TMEM108: variants seen among roughly 807,000 people sequenced by gnomAD.
The protein encoded by TMEM108 is transmembrane protein 108.
Under a neutral mutation model 35.1 loss-of-function variants are expected in TMEM108, and 12 were observed. The observed-to-expected ratio is 0.34, with a 90% CI of 0.22 to 0.55. The LOEUF is 0.55. TMEM108 is among the 20% of genes least tolerant of loss of function. The pLI is 0.89. For missense variants in TMEM108, 680 were observed against 753.3 expected (o/e 0.90, Z 1.14); for synonymous variants, 287 against 308.6 (o/e 0.93, Z 0.73).
chr3:133,192,184 A>T (rs1385090488), intron 2 of TMEM108, among the ~76,000 whole-genome samples: 3 of 152,190 alleles, frequency 2.0e-5, no homozygotes, highest in Non-Finnish European at 2.9e-5. Context: ...TTTATTTCCT[A>T]GTAAGATGTA....
chr3:133,177,150 G>C (rs1945244894), intron 2 of TMEM108, among the ~76,000 whole-genome samples: 1 of 152,184 alleles, frequency 6.6e-6, no homozygotes, highest in African/African-American at 2.4e-5. Context: ...CCAATAACAG[G>C]CTCTGAAATT....
Position 133,380,833 on chromosome 3 carries a change from G to T in TMEM108, c.1122G>T (p.Gly374=). ...FDTSVSAPSQ[G]IPQGASTTPQ... Reference sequence around the variant, plus strand: ...CCAGTGTCTCAGCCCCTTCCCAGGGGATTCCTCAGGGAGCATCCACAACCC... The same window carrying T: ...CCAGTGTCTCAGCCCCTTCCCAGGGTATTCCTCAGGGAGCATCCACAACCC... The change falls in exon 4 of 6, where the codon GGG becomes GGT. Residue 374 remains glycine, a synonymous_variant. Coordinates refer to ENST00000321871, the MANE Select transcript of TMEM108 (RefSeq NM_023943.4). This position sits in a 1 kb window ranked among gnomAD's most constrained non-coding sequence, Gnocchi z 5.3. 3 of 1,614,092 alleles carry T rather than the reference G, an allele frequency of 1.9e-6. No homozygotes were observed. The highest frequency in any genetic ancestry group is 2.5e-6 in the Non-Finnish European group (3 of 1,180,012).
intron 4 of TMEM108, among the ~76,000 whole-genome samples, chr3:133,384,954 C>A (rs1436396099): frequency 1.3e-5 from 2 of 152,228 alleles, no homozygotes; most frequent in Non-Finnish European, 2.9e-5. Context: ...CTCTCTCTGA[C>A]ACTAGACACT....
chr3:133,322,919 C>T (rs1576455353), intron 3 of TMEM108, among the ~76,000 whole-genome samples: 2 of 151,872 alleles, frequency 1.3e-5, no homozygotes, highest in African/African-American at 4.8e-5. Flanking sequence ...ATCATATGAC[C>T]ATCTCAATAG....
intron 2 of TMEM108, among the ~76,000 whole-genome samples, chr3:133,168,559 T>TA (rs1010348304): frequency 8.5e-5 from 13 of 152,090 alleles, no homozygotes; most frequent in East Asian, 5.8e-4. Flanking sequence ...TAGCACTTGG[T>TA]AAAAAAAGGA....
chr3:133,093,973 A>T (rs1240581870), intron 2 of TMEM108, among the ~76,000 whole-genome samples: 1 of 152,184 alleles, frequency 6.6e-6, no homozygotes, highest in Non-Finnish European at 1.5e-5. Flanking sequence ...AGGTGTGTTG[A>T]CATGTGAAGC....
At chr3:133,202,435 T>G (rs1351765663) in intron 2 of TMEM108, among the ~76,000 whole-genome samples, 1 of 152,230 alleles carries the variant, frequency 6.6e-6, no homozygotes, top group Non-Finnish European at 1.5e-5. Flanking sequence ...GGTCTAAAAC[T>G]TAAGTCTTTA....
chr3:133,315,407 C>T (rs1243607283), intron 3 of TMEM108, among the ~76,000 whole-genome samples: 1 of 152,152 alleles, frequency 6.6e-6, no homozygotes, highest in Non-Finnish European at 1.5e-5. Context: ...CACAGAAAGC[C>T]CTGAGGACCA....
At chr3:133,225,285 A>C (rs1001557154) in intron 2 of TMEM108, among the ~76,000 whole-genome samples, 7 of 152,164 alleles carry the variant, frequency 4.6e-5, no homozygotes, top group Admixed American at 6.5e-5. Context: ...TGACCTCGTG[A>C]TCCACCCACC....
At chr3:133,106,794 C>A (rs1054941795) in intron 2 of TMEM108, among the ~76,000 whole-genome samples, 1 of 152,194 alleles carries the variant, frequency 6.6e-6, no homozygotes, top group Admixed American at 6.5e-5. Flanking sequence ...GTCAAGTCTT[C>A]AAATGATTAC....
At chr3:133,071,819 T>G (rs1943679316) in intron 2 of TMEM108, among the ~76,000 whole-genome samples, 1 of 152,210 alleles carries the variant, frequency 6.6e-6, no homozygotes, top group Non-Finnish European at 1.5e-5. Context: ...TGTTGTTTGA[T>G]GTACAAAGGT....
In TMEM108 at chr3:133,043,236, T is replaced by C. The variant is rs147540198; in HGVS notation, c.-165-2666T>C. On this transcript the variant is annotated intron_variant, in intron 1 of 5. Coordinates refer to ENST00000321871, the MANE Select transcript of TMEM108 (RefSeq NM_023943.4). ...ATTTGTAATCTTATGTATTTGATCT[T>C]ATACATTTCACACATAATTCTGAGA... Among the ~76,000 whole-genome samples, 3 of 152,334 alleles carry C rather than the reference T, an allele frequency of 2.0e-5. No homozygotes were observed. The East Asian group carries it at 5.8e-4, about 29-fold the overall frequency.
At chr3:133,306,078 C>T (rs62279015) in intron 3 of TMEM108, among the ~76,000 whole-genome samples, 51,952 of 151,894 alleles carry the variant, frequency 0.34, 9,237 homozygotes, top group East Asian at 0.48. Flanking sequence ...CTTAATAGTA[C>T]TTTTCGAAGC....
chr3:133,097,858 C>T (rs1447643025), intron 2 of TMEM108, among the ~76,000 whole-genome samples: 1 of 152,196 alleles, frequency 6.6e-6, no homozygotes. Flanking sequence ...GAAGAACTAA[C>T]AGTAGAATGC....
rs187707279 is a variant in TMEM108, at chr3:133,370,788, C to T, written c.41-8964C>T. ...TGTATTTCCTTCTATACTATTAGCT[C>T]CTTAAAGGAAATGGCTATGTCCTCA... is the stretch of plus-strand genomic sequence containing the variant. On this transcript the variant is annotated intron_variant, in intron 3 of 5. Coordinates refer to ENST00000321871, the MANE Select transcript of TMEM108 (RefSeq NM_023943.4). Among the ~76,000 whole-genome samples the T allele has an allele frequency of 7.9e-5, 12 of 151,900 alleles. No individual in the cohort carries two copies. In the East Asian group the frequency reaches 2.3e-3, roughly 29 times the overall value.
chr3:133,335,121 A>G (rs555215790), intron 3 of TMEM108, among the ~76,000 whole-genome samples: 1 of 152,360 alleles, frequency 6.6e-6, no homozygotes, highest in South Asian at 2.1e-4. Context: ...CAATACAAGC[A>G]GTAAAATAGA....
At chr3:133,238,666 G>A (rs1946272486) in intron 3 of TMEM108, among the ~76,000 whole-genome samples, 1 of 152,154 alleles carries the variant, frequency 6.6e-6, no homozygotes, top group Non-Finnish European at 1.5e-5. Context: ...GAGATTCAAG[G>A]AGCTGGGTCA....
chr3:133,318,299 C>T (rs1297620529), intron 3 of TMEM108, among the ~76,000 whole-genome samples: 1 of 152,192 alleles, frequency 6.6e-6, no homozygotes, highest in East Asian at 1.9e-4. Flanking sequence ...ACTCCAGTGA[C>T]AGCATAGGGG....
intron 2 of TMEM108, among the ~76,000 whole-genome samples, chr3:133,213,302 A>G (rs1393316632): frequency 6.6e-6 from 1 of 152,176 alleles, no homozygotes; most frequent in East Asian, 1.9e-4. Flanking sequence ...GGAGTGCTCT[A>G]ATTAGGTATC....
Sources: gnomAD v4.1 joint callset for allele counts (sites outside exome capture counted in the v4.1 genomes callset) on GRCh38, gnomAD v4.1.1 for gene constraint, Gnocchi (gnomAD v3.1) non-coding constraint, MANE v1.5 for transcripts, NCBI Gene and HGNC (gene_info 2026-07-23, HGNC 2026-07-21) for gene names.